Variants in GLRA1 observed in about 807,000 individuals in gnomAD.
The protein encoded by GLRA1 is glycine receptor alpha 1.
A neutral mutation model predicts 48.3 loss-of-function variants in GLRA1; 37 were observed. That is an observed-to-expected ratio of 0.77 (90% confidence interval 0.59 to 1.01). The LOEUF (loss-of-function observed/expected upper bound fraction) is 1.01. Ranked by LOEUF, GLRA1 falls within the 50% of genes least tolerant of loss-of-function variation. The pLI is 0.00. For missense variants in GLRA1, 427 were observed against 571.0 expected, an observed-to-expected ratio of 0.75 and a Z score of 2.57; for synonymous variants, 196 against 210.7, an observed-to-expected ratio of 0.93 and a Z score of 0.60.
intron 1 of GLRA1, among the ~76,000 whole-genome samples, chr5:151,912,262 GTTTTTTTT>G (rs370730368): frequency 3.5e-4 from 43 of 121,622 alleles, no homozygotes; most frequent in African/African-American, 1.2e-3. Context: ...TGTGAAGACT[GTTTTTTTT>G]TTTTTTTTTT....
Position 151,924,659 on chromosome 5 carries a change from A to C in GLRA1, c.-110T>G. On this transcript the variant is annotated 5_prime_UTR_variant, in exon 1 of 9. Coordinates refer to ENST00000274576, the MANE Select transcript of GLRA1 (RefSeq NM_000171.4). ...TTGCAAAAAATAATCCAGATGTTAA[A>C]GGGAGGCGGGGAACAGGGGCGCGGA... 2.5e-6 allele frequency: 2 copies of C among 789,612 alleles called. No individual in the cohort carries two copies. Among genetic ancestry groups the C allele is most frequent in the Non-Finnish European group, 2.3e-6 (1 of 432,560 alleles). 48.9% of individuals were successfully genotyped at this position (789,612 alleles called of 1,614,324 possible). A position where few individuals can be genotyped will look rare whatever the true frequency, so the allele number is the denominator to read the frequency against.
In GLRA1 at chr5:151,838,394, A is replaced by G. The variant is rs539608093; in HGVS notation, c.913-9327T>C. Among the ~76,000 whole-genome samples, 38 of 152,272 alleles carry G rather than the reference A, an allele frequency of 2.5e-4. No homozygotes were observed. The South Asian group carries it at 7.0e-3, about 28-fold the overall frequency. The stretch of plus-strand genomic sequence containing the variant: ...TAAGATTGGAGAATTGCTTGAACAC[A>G]GGAGGCAGAGATTGTAGTGAGCCGA... On this transcript the variant is annotated intron_variant, in intron 7 of 8. Coordinates refer to ENST00000274576, the MANE Select transcript of GLRA1 (RefSeq NM_000171.4).
intron 3 of GLRA1, among the ~76,000 whole-genome samples, chr5:151,874,703 G>A (rs1014389396): frequency 2.0e-5 from 3 of 152,140 alleles, no homozygotes; most frequent in African/African-American, 7.2e-5. Context: ...TGGAAGAGAG[G>A]GATATTTTTA....
Position 151,822,761 on chromosome 5 carries a change from A to T in GLRA1, c.1262T>A (p.Ile421Asn), listed in dbSNP as rs769278491. 6.2e-7 allele frequency: 1 copy of T among 1,613,960 alleles called. No homozygotes were observed. Among genetic ancestry groups the T allele is most frequent in the Middle Eastern group, 1.6e-4 (1 of 6,062 alleles). The change falls in exon 9 of 9, where the codon ATT (isoleucine) becomes AAT (asparagine). Residue 421 changes from isoleucine (I) to asparagine (N), a missense_variant. Transcript: ENST00000274576. ...AATGAGGAAGGCCATGGGGAAGCCA[A>T]TGCGGGATATTTTGTCGATCTTCTT... ...RAKKIDKISR[I>N]GFPMAFLIFN...
chr5:151,844,748 C>T (rs549818820), intron 7 of GLRA1, among the ~76,000 whole-genome samples: 2 of 151,284 alleles, frequency 1.3e-5, no homozygotes, highest in African/African-American at 2.4e-5. Context: ...TACTATCAAC[C>T]AAGTGAAAAG....
rs1229245050 is a variant in GLRA1 at position 151,839,278 on chromosome 5, C to G, written c.913-10211G>C. Among the ~76,000 whole-genome samples, 3 of 152,108 alleles carry G rather than the reference C, an allele frequency of 2.0e-5. No individual in the cohort carries two copies. In the East Asian group the frequency reaches 5.8e-4, roughly 29 times the overall value. ...TAGGCTGAAATAAAAGGATGCTAGA[C>G]AGTAACTCAAATTCATACGAAGAAA... On this transcript the variant is annotated intron_variant, in intron 7 of 8. Transcript: ENST00000274576.
intron 3 of GLRA1, among the ~76,000 whole-genome samples, chr5:151,865,751 A>G (rs1229635423): frequency 6.6e-6 from 1 of 152,162 alleles, no homozygotes; most frequent in East Asian, 1.9e-4. Context: ...CTCATTATGA[A>G]ATGACTAATG....
intron 3 of GLRA1, among the ~76,000 whole-genome samples, chr5:151,875,167 G>A (rs1330972386): frequency 6.6e-6 from 1 of 151,410 alleles, no homozygotes; most frequent in Non-Finnish European, 1.5e-5. Context: ...TTATGTTTGG[G>A]TATAAAGGGC....
chr5:151,864,011 C>T (rs1293113469), intron 3 of GLRA1, among the ~76,000 whole-genome samples: 1 of 152,172 alleles, frequency 6.6e-6, no homozygotes, highest in Non-Finnish European at 1.5e-5. Context: ...GAACTTCAGG[C>T]CTGGCCTGAG....
At chr5:151,834,333 A>G (rs992006028) in intron 7 of GLRA1, among the ~76,000 whole-genome samples, 9 of 152,202 alleles carry the variant, frequency 5.9e-5, no homozygotes, top group African/African-American at 2.2e-4. Flanking sequence ...ACTCAAAACC[A>G]CAAAACTCCA....
At chr5:151,885,723 G>C (rs1322712841) in intron 3 of GLRA1, among the ~76,000 whole-genome samples, 1 of 152,146 alleles carries the variant, frequency 6.6e-6, no homozygotes, top group Non-Finnish European at 1.5e-5. Flanking sequence ...AATGAAGCAG[G>C]GTGAATCACA....
intron 3 of GLRA1, among the ~76,000 whole-genome samples, chr5:151,879,251 G>T (rs1753701247): frequency 6.6e-6 from 1 of 152,008 alleles, no homozygotes. Flanking sequence ...CCTTTGTTTT[G>T]GCCAATGTCT....
intron 1 of GLRA1, among the ~76,000 whole-genome samples, chr5:151,914,429 C>T (rs1561583289): frequency 6.6e-6 from 1 of 152,112 alleles, no homozygotes; most frequent in Non-Finnish European, 1.5e-5. Flanking sequence ...GCGGTGAGAC[C>T]TTTAGTGCTT....
intron 6 of GLRA1, among the ~76,000 whole-genome samples, chr5:151,852,843 T>G (rs954595056): frequency 1.3e-5 from 2 of 152,204 alleles, no homozygotes; most frequent in Non-Finnish European, 2.9e-5. Context: ...AGAAGTGGGA[T>G]TGCTGGACCA....
chr5:151,853,610 A>T (rs1030979873), intron 6 of GLRA1, among the ~76,000 whole-genome samples: 1 of 151,882 alleles, frequency 6.6e-6, no homozygotes, highest in South Asian at 2.1e-4. Context: ...TGAATATTTG[A>T]CCCCATCAGA....
chr5:151,907,569 C>T (rs1265803596), intron 1 of GLRA1, among the ~76,000 whole-genome samples: 1 of 152,204 alleles, frequency 6.6e-6, no homozygotes, highest in Non-Finnish European at 1.5e-5. Context: ...TCATGTCACC[C>T]TATGGATCAA....
Position 151,859,796 on chromosome 5 carries a change from G to A in GLRA1, c.465C>T (p.Leu155=). Residue 155 remains leucine (L), a synonymous_variant, in exon 4 of 9, where the codon CTC becomes CTT. Coordinates refer to ENST00000274576, the MANE Select transcript of GLRA1 (RefSeq NM_000171.4). ...LLRISRNGNV[L]YSIRITLTLA... ...TGGTCAGAACTCACCTGATGCTGTAGAGGACATTCCCATTCCGGGAGATCC... is the reference window on the plus strand; with the variant it reads ...TGGTCAGAACTCACCTGATGCTGTAAAGGACATTCCCATTCCGGGAGATCC... 1 of 1,610,494 alleles carries A rather than the reference G, an allele frequency of 6.2e-7. No individual in the cohort carries two copies. The highest frequency in any genetic ancestry group is 1.7e-4 in the Middle Eastern group (1 of 6,052).
chr5:151,917,716 A>G (rs1272027214), intron 1 of GLRA1, among the ~76,000 whole-genome samples: 1 of 152,194 alleles, frequency 6.6e-6, no homozygotes, highest in African/African-American at 2.4e-5. Context: ...TTTGACAGCC[A>G]TTGAATTCTA....
In GLRA1 at chr5:151,849,416, C is replaced by CTTTCA. The variant is rs1561554995; in HGVS notation, c.912+1973_912+1974insTGAAA. 6.9e-4 allele frequency among the ~76,000 whole-genome samples: 9 copies of CTTTCA among 13,124 alleles called. 2 individuals are homozygous for CTTTCA. The highest frequency in any genetic ancestry group is 4.0e-3 in the African/African-American group (9 of 2,250). 8.6% of individuals were successfully genotyped at this position (13,124 alleles called of 152,430 possible). Reference sequence around the variant, plus strand: ...CTTTCCTTTCCTTTCCTTTCCTTTCCTTTCCTTTCCTTTCCTTTCCTTTCC... The same window carrying CTTTCA: ...CTTTCCTTTCCTTTCCTTTCCTTTCCTTTCATTTCCTTTCCTTTCCTTTCCTTTCC... On this transcript the variant is annotated intron_variant, in intron 7 of 8. Transcript: ENST00000274576.
Sources: gnomAD v4.1 joint callset for allele counts (sites outside exome capture counted in the v4.1 genomes callset) on GRCh38, gnomAD v4.1.1 for gene constraint, MANE v1.5 for transcripts, NCBI Gene and HGNC (gene_info 2026-07-23, HGNC 2026-07-21) for gene names.